The following INPP5F variants were observed in gnomAD, a reference collection of about 807,000 sequenced individuals.
The protein encoded by INPP5F is phosphatidylinositide 4-phosphatase SAC2.
INPP5F carries 97 observed loss-of-function variants against 137.2 expected under a neutral mutation model. That is an observed-to-expected ratio of 0.71 (90% CI 0.60 to 0.84). The LOEUF (loss-of-function observed/expected upper bound fraction) is 0.84. INPP5F is among the 40% of genes least tolerant of loss of function. The pLI, the probability that INPP5F is intolerant of heterozygous loss-of-function variation, is 0.00. For missense variants in INPP5F, 1,271 were observed against 1,371.9 expected (o/e 0.93, Z 1.16); for synonymous variants, 504 against 476.9 (o/e 1.06, Z -0.74).
chr10:119,785,199 T>C (rs1849839824), intron 3 of INPP5F, among the ~76,000 whole-genome samples: 1 of 152,072 alleles, frequency 6.6e-6, no homozygotes, highest in Non-Finnish European at 1.5e-5. Context: ...GGTATATTTG[T>C]TTTAATCTCT....
intron 1 of INPP5F, 76 bp downstream of exon 1, chr10:119,726,435 C>A: frequency 3.4e-6 from 3 of 883,988 alleles, no homozygotes; most frequent in Non-Finnish European, 4.4e-6. Context: ...GACCCCTCAG[C>A]CGGGCGGGAG....
chr10:119,732,856 T>G (rs1848123355), intron 1 of INPP5F, among the ~76,000 whole-genome samples: 1 of 152,176 alleles, frequency 6.6e-6, no homozygotes, highest in African/African-American at 2.4e-5. Flanking sequence ...TTCCATGACC[T>G]TTACATGTAT....
chr10:119,731,428 C>T (rs944675996), intron 1 of INPP5F, among the ~76,000 whole-genome samples: 2 of 152,052 alleles, frequency 1.3e-5, no homozygotes, highest in Non-Finnish European at 2.9e-5. Context: ...CTTTGGAAGG[C>T]CGAGGTGGAT....
intron 2 of INPP5F, among the ~76,000 whole-genome samples, chr10:119,756,530 G>A (rs1447581369): frequency 6.6e-6 from 1 of 151,842 alleles, no homozygotes; most frequent in East Asian, 1.9e-4. Flanking sequence ...CACCTACCCG[G>A]GAGGTTGAGG....
At chr10:119,792,593 C>G (rs1850187070) in intron 6 of INPP5F, among the ~76,000 whole-genome samples, 1 of 139,896 alleles carries the variant, frequency 7.1e-6, no homozygotes, top group Non-Finnish European at 1.5e-5. Context: ...TTTTTTTAAC[C>G]TTCGCCGGAC....
intron 15 of INPP5F, among the ~76,000 whole-genome samples, chr10:119,817,607 T>C (rs915175493): frequency 1.2e-4 from 19 of 152,228 alleles, no homozygotes; most frequent in African/African-American, 4.6e-4. Flanking sequence ...TTAAGGATTT[T>C]TTTTTTGTAC....
chr10:119,747,783 T>A (rs1165319531), intron 1 of INPP5F, among the ~76,000 whole-genome samples: 2 of 152,220 alleles, frequency 1.3e-5, no homozygotes, highest in Non-Finnish European at 2.9e-5. Flanking sequence ...AAATGTTTTC[T>A]TTGAGGAAGT....
intron 2 of INPP5F, among the ~76,000 whole-genome samples, chr10:119,776,226 A>G (rs1031707483): frequency 6.6e-6 from 1 of 152,190 alleles, no homozygotes; most frequent in Non-Finnish European, 1.5e-5. Context: ...CTGTTACATT[A>G]TATTTTCTCA....
intron 1 of INPP5F, among the ~76,000 whole-genome samples, chr10:119,750,299 T>G (rs1232248853): frequency 6.6e-6 from 1 of 152,250 alleles, no homozygotes. Flanking sequence ...TTGATAATCT[T>G]CACCTGTCGA....
At chr10:119,801,756 ATAAAAT>A (rs1850603242) in intron 9 of INPP5F, among the ~76,000 whole-genome samples, 1 of 152,272 alleles carries the variant, frequency 6.6e-6, no homozygotes, top group Admixed American at 6.5e-5. Flanking sequence ...AAGTAAATAA[ATAAAAT>A]TAAAAAATAA....
chr10:119,808,077 A>G lies in INPP5F; in HGVS notation c.1569+17A>G. The G allele has an allele frequency of 6.2e-7, 1 of 1,607,420 alleles. No homozygotes were observed. ...GCTCTGAAGGTAAATACTTGCAGGA[A>G]GCATCTGTGGGTCATTATGTAGGAC... On this transcript the variant is annotated intron_variant, in intron 13 of 19. Transcript: ENST00000650623.
intron 6 of INPP5F, among the ~76,000 whole-genome samples, chr10:119,795,167 C>T (rs1475127899): frequency 3.3e-5 from 5 of 149,598 alleles, no homozygotes; most frequent in East Asian, 2.0e-4. Flanking sequence ...GGCGGCTGGC[C>T]GGGCAGAGGG....
rs764690451 is a variant in INPP5F, at chr10:119,792,033, G to C, written c.609G>C (p.Gln203His). The C allele has an allele frequency of 3.7e-6, 6 of 1,614,220 alleles. No individual in the cohort carries two copies. The South Asian group carries it at 4.4e-5, about 12-fold the overall frequency. ...AGAGGGACGGTCGGCCCCTCTGGCA[G>C]AAGGTACCACTCACAGCTCGTAGAG... ...TGERDGRPLW[Q>H]KVDDRFFWNK... Residue 203 changes from glutamine (Q) to histidine (H), a missense_variant, in exon 5 of 20, where the codon CAG becomes CAC. Transcript: ENST00000650623.
intron 13 of INPP5F, among the ~76,000 whole-genome samples, chr10:119,809,294 C>T (rs1226384289): frequency 1.3e-5 from 2 of 150,648 alleles, no homozygotes; most frequent in Non-Finnish European, 3.0e-5. Context: ...TCTTTTTTGC[C>T]CCTTGATTTT....
At chr10:119,781,487 T>G (rs1849703836) in intron 2 of INPP5F, 148 bp from the exon 3 acceptor site, 2 of 569,568 alleles carry the variant, frequency 3.5e-6, no homozygotes, top group Non-Finnish European at 5.7e-6. Context: ...AAGGGTCATT[T>G]TATGTCTTTG....
chr10:119,729,506 A>G (rs1179078054), intron 1 of INPP5F, among the ~76,000 whole-genome samples: 1 of 151,678 alleles, frequency 6.6e-6, no homozygotes, highest in Non-Finnish European at 1.5e-5. Flanking sequence ...GTCCATTTGG[A>G]TGAGGAAATA....
intron 1 of INPP5F, among the ~76,000 whole-genome samples, chr10:119,745,325 T>G (rs1281577815): frequency 1.3e-5 from 2 of 152,034 alleles, no homozygotes; most frequent in African/African-American, 4.8e-5. Context: ...TTTTGTTTTT[T>G]GTTTTTAAAT....
chr10:119,823,201 T>G lies in INPP5F; in HGVS notation c.2161+2T>G, dbSNP rs1589759221. Reference sequence around the variant, plus strand: ...GTAATCCTGAAGAGGATGGAAAAGGTAAAAAGAGGAAGAGATGAAAGTATT... The same window carrying G: ...GTAATCCTGAAGAGGATGGAAAAGGGAAAAAGAGGAAGAGATGAAAGTATT... On this transcript the variant is annotated splice_donor_variant, in intron 18 of 19. Coordinates refer to ENST00000650623, the MANE Select transcript of INPP5F (RefSeq NM_014937.4). LOFTEE classifies it high-confidence loss of function. The G allele has an allele frequency of 6.2e-7, 1 of 1,610,346 alleles. No individual in the cohort carries two copies. Among genetic ancestry groups the G allele is most frequent in the Non-Finnish European group, 8.5e-7 (1 of 1,178,928 alleles).
At chr10:119,823,760 A>G in intron 18 of INPP5F, 55 bp from the exon 19 acceptor site, 1 of 1,387,602 alleles carries the variant, frequency 7.2e-7, no homozygotes, top group Non-Finnish European at 1.0e-6. Flanking sequence ...TAGAACTGCT[A>G]TTTTTTTTAG....
Sources: gnomAD v4.1 joint callset for allele counts (sites outside exome capture counted in the v4.1 genomes callset) on GRCh38, gnomAD v4.1.1 for gene constraint, MANE v1.5 for transcripts, NCBI Gene and HGNC (gene_info 2026-07-23, HGNC 2026-07-21) for gene names.